PRKN: variants seen among roughly 807,000 people sequenced by gnomAD.
PRKN encodes E3 ubiquitin-protein ligase parkin.
Under a neutral mutation model 59.5 loss-of-function variants are expected in PRKN, and 56 were observed. The observed-to-expected ratio is 0.94, with a 90% CI of 0.76 to 1.18. The LOEUF (loss-of-function observed/expected upper bound fraction) is 1.18, where lower values mean the gene tolerates loss of function less well. Among genes scored for constraint, PRKN ranks in the 50% most tolerant of loss-of-function variants. The pLI is 0.00. For synonymous variants in PRKN, 250 were observed against 222.1 expected (o/e 1.13, Z -1.12); for missense variants, 657 against 596.4 (o/e 1.10, Z -1.06).
intron 1 of PRKN, among the ~76,000 whole-genome samples, chr6:162,490,045 G>A (rs1489724078): frequency 1.3e-5 from 2 of 152,166 alleles, no homozygotes; most frequent in African/African-American, 2.4e-5. Context: ...GAGATGGGAT[G>A]TCCTTACCAT....
At chr6:162,325,627 C>G (rs778196468) in intron 2 of PRKN, among the ~76,000 whole-genome samples, 3 of 152,064 alleles carry the variant, frequency 2.0e-5, no homozygotes, top group Admixed American at 1.3e-4. Flanking sequence ...GCAGCTTCCC[C>G]GAAAGCTCAG....
chr6:162,494,902 T>A (rs1267380852), intron 1 of PRKN, among the ~76,000 whole-genome samples: 2 of 152,196 alleles, frequency 1.3e-5, no homozygotes, highest in Non-Finnish European at 2.9e-5. Context: ...CTATTTTTAT[T>A]AGAGACCAGA....
intron 4 of PRKN, among the ~76,000 whole-genome samples, chr6:162,079,003 A>G (rs1009763419): frequency 6.6e-6 from 1 of 152,126 alleles, no homozygotes; most frequent in African/African-American, 2.4e-5. Flanking sequence ...TGAAGTCATC[A>G]GAGGTTGCCA....
rs192819495 is a variant in PRKN at position 161,738,979 on chromosome 6, G to C, written c.871+46793C>G. Among the ~76,000 whole-genome samples the C allele has an allele frequency of 1.1e-4, 17 of 152,322 alleles. No homozygotes were observed. In the East Asian group the frequency reaches 1.7e-3, roughly 16 times the overall value. ...CAGGTATACAGTTTTTGTGAGATAA[G>C]ATGATGTGGGTTACTGGTCAAAGCC... is the stretch of plus-strand genomic sequence containing the variant. On this transcript the variant is annotated intron_variant, in intron 7 of 11. Coordinates refer to ENST00000366898, the MANE Select transcript of PRKN (RefSeq NM_004562.3).
At chr6:162,237,520 T>C (rs1371337101) in intron 3 of PRKN, among the ~76,000 whole-genome samples, 1 of 152,190 alleles carries the variant, frequency 6.6e-6, no homozygotes, top group Non-Finnish European at 1.5e-5. Context: ...GAATGAGAAG[T>C]GCTCTACCTA....
intron 6 of PRKN, among the ~76,000 whole-genome samples, chr6:161,920,601 A>G (rs937152063): frequency 2.6e-5 from 4 of 151,834 alleles, no homozygotes; most frequent in South Asian, 2.1e-4. Context: ...CCTGGCCAAC[A>G]TGGTGAAACC....
intron 7 of PRKN, among the ~76,000 whole-genome samples, chr6:161,689,541 G>C (rs916646558): frequency 5.9e-5 from 9 of 152,074 alleles, no homozygotes; most frequent in African/African-American, 1.9e-4. Context: ...TGGGTCATTG[G>C]GAACAGTGGG....
At position 162,054,160 on chromosome 6, in the gene PRKN, C is replaced by A. The variant is rs1582962161; in HGVS notation, c.549G>T (p.Trp183Cys). ...TCCGGTTTGGAATTAAAACATCATC[C>A]CAGCAAGATGGACCCTTTGGGAAAA... The part of the protein sequence containing the change: ...TLTLTQGPSC[W>C]DDVLIPNRMS... Residue 183 changes from tryptophan to cysteine, a missense_variant, in exon 5 of 12, where the codon TGG becomes TGT. Coordinates refer to ENST00000366898, the MANE Select transcript of PRKN (RefSeq NM_004562.3). The A allele has an allele frequency of 8.1e-6, 13 of 1,611,982 alleles. No homozygotes were observed. The highest frequency in any genetic ancestry group is 1.3e-5 in the African/African-American group (1 of 74,822).
In PRKN at chr6:161,550,171, T is replaced by C. The variant is rs184582652; in HGVS notation, c.934-1168A>G. ...CCCAGTGTGCTGATGTGGTTGGCTG[T>C]TCAGGGTACAACAAGGGGGGCAGTG... is the stretch of plus-strand genomic sequence containing the variant. On this transcript the variant is annotated intron_variant, in intron 8 of 11. Coordinates refer to ENST00000366898, the MANE Select transcript of PRKN (RefSeq NM_004562.3). This position sits in a 1 kb window ranked among gnomAD's most constrained non-coding sequence, Gnocchi z 4.0. Among the ~76,000 whole-genome samples the C allele has an allele frequency of 3.2e-4, 49 of 152,230 alleles. No homozygotes were observed. Among genetic ancestry groups the C allele is most frequent in the Non-Finnish European group, 5.9e-5 (4 of 68,016 alleles).
chr6:161,930,800 G>A (rs1353852577), intron 6 of PRKN, among the ~76,000 whole-genome samples: 3 of 152,182 alleles, frequency 2.0e-5, no homozygotes, highest in African/African-American at 7.2e-5. Context: ...TTAAAAGGTA[G>A]AAGGGGAAGG....
chr6:161,599,061 G>GGC (rs1306655095), intron 7 of PRKN, among the ~76,000 whole-genome samples: 1 of 152,152 alleles, frequency 6.6e-6, no homozygotes, highest in East Asian at 1.9e-4. Context: ...GAGGAATGCC[G>GGC]ACTCCTGGCA....
At chr6:161,610,908 G>A (rs946404014) in intron 7 of PRKN, among the ~76,000 whole-genome samples, 48 of 152,150 alleles carry the variant, frequency 3.2e-4, no homozygotes, top group African/African-American at 1.1e-3. Flanking sequence ...AGGTAGAGAG[G>A]AATCTGGCAC....
At chr6:162,340,081 G>A (rs947131771) in intron 2 of PRKN, among the ~76,000 whole-genome samples, 1 of 143,772 alleles carries the variant, frequency 7.0e-6, no homozygotes, top group African/African-American at 2.6e-5. Context: ...CTCCACTATT[G>A]TCCCATGACC....
rs1033220156 is a variant in PRKN, at chr6:162,545,976, T to A, written c.8-102503A>T. On this transcript the variant is annotated intron_variant, in intron 1 of 11. Transcript: ENST00000366898. Reference sequence around the variant, plus strand: ...ATCAATAGAATTTAAGAGTCTACACTGTTCATTCTATCAGTATATCTTCTA... The same window carrying A: ...ATCAATAGAATTTAAGAGTCTACACAGTTCATTCTATCAGTATATCTTCTA... Among the ~76,000 whole-genome samples, 17 of 152,142 alleles carry A rather than the reference T, an allele frequency of 1.1e-4. 1 individual carries two copies. The highest frequency in any genetic ancestry group is 4.1e-4 in the African/African-American group (17 of 41,434).
At chr6:162,178,231 T>C (rs557183324) in intron 4 of PRKN, among the ~76,000 whole-genome samples, 1 of 152,350 alleles carries the variant, frequency 6.6e-6, no homozygotes, top group South Asian at 2.1e-4. Context: ...ATGTTAATTG[T>C]GGATTGTCAA....
intron 1 of PRKN, among the ~76,000 whole-genome samples, chr6:162,611,912 G>A (rs189706601): frequency 1.6e-4 from 25 of 152,208 alleles, no homozygotes; most frequent in East Asian, 3.9e-4. Context: ...ACAGCGGGGC[G>A]TGGTGGCTCA....
chr6:162,633,033 T>G (rs1294540244), intron 1 of PRKN, among the ~76,000 whole-genome samples: 1 of 152,140 alleles, frequency 6.6e-6, no homozygotes, highest in Non-Finnish European at 1.5e-5. Flanking sequence ...AATTTATACT[T>G]TATGCATGTA....
chr6:162,054,992 T>C (rs1045510295), intron 4 of PRKN, among the ~76,000 whole-genome samples: 4 of 152,224 alleles, frequency 2.6e-5, no homozygotes, highest in East Asian at 1.9e-4. Flanking sequence ...CGAAACCCTG[T>C]CTGTACTAAA....
intron 1 of PRKN, among the ~76,000 whole-genome samples, chr6:162,690,476 T>G (rs1777734798): frequency 6.6e-6 from 1 of 152,184 alleles, no homozygotes; most frequent in Non-Finnish European, 1.5e-5. Context: ...AGCGGTAGCT[T>G]TCACTCATTA....
Sources: allele counts gnomAD v4.1 joint callset (sites outside exome capture counted in the v4.1 genomes callset), GRCh38; gene constraint gnomAD v4.1.1; non-coding constraint Gnocchi (gnomAD v3.1); transcripts MANE v1.5; gene names NCBI Gene and HGNC (gene_info 2026-07-23, HGNC 2026-07-21).